The following GRIK2 variants were observed in gnomAD, a reference collection of about 807,000 sequenced individuals.
The protein encoded by GRIK2 is glutamate ionotropic receptor kainate type subunit 2, also known as glutamate receptor ionotropic, kainate 2.
In GRIK2, 32 loss-of-function variants were observed where a neutral mutation model predicts 100.3. That is an observed-to-expected ratio of 0.32 (90% CI 0.24 to 0.43). The LOEUF (loss-of-function observed/expected upper bound fraction) is 0.43, where lower values mean the gene tolerates loss of function less well. Among genes scored for constraint, GRIK2 ranks in the 20% least tolerant of loss-of-function variants. GRIK2 has a pLI of 1.00. For synonymous variants in GRIK2, 417 were observed against 389.4 expected (o/e 1.07, Z -0.83); for missense variants, 843 against 1,114.9 (o/e 0.76, Z 3.47).
At chr6:101,551,651 G>A (rs1233605003) in intron 2 of GRIK2, among the ~76,000 whole-genome samples, 3 of 152,172 alleles carry the variant, frequency 2.0e-5, no homozygotes, top group African/African-American at 7.2e-5. Flanking sequence ...ACATAGAAGC[G>A]AACAAGGAAG....
chr6:101,854,511 C>T (rs886146746), intron 10 of GRIK2, among the ~76,000 whole-genome samples: 30 of 151,964 alleles, frequency 2.0e-4, no homozygotes, highest in Non-Finnish European at 3.1e-4. Context: ...TCACCCACCT[C>T]GACCTCCCAA....
intron 2 of GRIK2, among the ~76,000 whole-genome samples, chr6:101,490,539 A>C (rs1299962984): frequency 1.4e-5 from 2 of 147,048 alleles, no homozygotes; most frequent in African/African-American, 5.2e-5. Flanking sequence ...AGCTTCACTC[A>C]GAAATGTGTG....
chr6:101,792,163 T>C (rs1431372184), intron 7 of GRIK2, among the ~76,000 whole-genome samples: 3 of 151,572 alleles, frequency 2.0e-5, no homozygotes, highest in East Asian at 1.9e-4. Context: ...CTTTATCCAA[T>C]TTGCCAGTCT....
intron 2 of GRIK2, among the ~76,000 whole-genome samples, chr6:101,499,287 C>T (rs556276659): frequency 8.9e-4 from 135 of 152,140 alleles, no homozygotes; most frequent in Non-Finnish European, 4.3e-4. Flanking sequence ...TATTTTCTTA[C>T]GCTTACCGAA....
intron 10 of GRIK2, among the ~76,000 whole-genome samples, chr6:101,832,674 C>G (rs1782779910): frequency 1.3e-5 from 2 of 152,134 alleles, no homozygotes; most frequent in African/African-American, 4.8e-5. Context: ...AGAAACAAAA[C>G]ATAAAGTTTG....
chr6:101,648,209 C>A (rs960727692), intron 4 of GRIK2, among the ~76,000 whole-genome samples: 2 of 151,954 alleles, frequency 1.3e-5, no homozygotes, highest in Admixed American at 1.3e-4. Flanking sequence ...ATCTTAGAAA[C>A]TACTATAAAT....
At chr6:102,047,133 C>T (rs556625532) in intron 15 of GRIK2, among the ~76,000 whole-genome samples, 25 of 152,156 alleles carry the variant, frequency 1.6e-4, no homozygotes, top group Admixed American at 9.2e-4. Flanking sequence ...AATAGCCTGA[C>T]ATTATGCCTC....
chr6:101,632,093 C>G (rs1050562655), intron 4 of GRIK2, among the ~76,000 whole-genome samples: 2 of 152,078 alleles, frequency 1.3e-5, no homozygotes, highest in East Asian at 1.9e-4. Context: ...CCATGAAGTG[C>G]ACACGTACAT....
In GRIK2 at chr6:101,713,916, C is replaced by T. The variant is rs531915006; in HGVS notation, c.951+27563C>T. On this transcript the variant is annotated intron_variant, in intron 7 of 16. Transcript: ENST00000369134. ...AAGTATACACTGTGTTTTCACCCTA[C>T]GCTTGAATTAAGAATTGCTTTCTTT... 5.9e-5 allele frequency among the ~76,000 whole-genome samples: 9 copies of T among 151,754 alleles called. No individual in the cohort carries two copies. The South Asian group carries it at 8.3e-4, about 14-fold the overall frequency.
chr6:101,642,846 A>G (rs1339311418), intron 4 of GRIK2, among the ~76,000 whole-genome samples: 1 of 151,656 alleles, frequency 6.6e-6, no homozygotes, highest in Non-Finnish European at 1.5e-5. Context: ...CATCATTCCT[A>G]CCAACAGTGC....
chr6:101,410,089 TA>T (rs1321888888), intron 2 of GRIK2, among the ~76,000 whole-genome samples: 1 of 152,080 alleles, frequency 6.6e-6, no homozygotes, highest in East Asian at 1.9e-4. Context: ...CTCAAATATA[TA>T]CAACATCAGA....
chr6:101,444,709 ACT>A (rs1206409718), intron 2 of GRIK2, among the ~76,000 whole-genome samples: 1 of 152,082 alleles, frequency 6.6e-6, no homozygotes, highest in Non-Finnish European at 1.5e-5. Context: ...AAGAAAAAAG[ACT>A]CACATGGTTG....
intron 2 of GRIK2, among the ~76,000 whole-genome samples, chr6:101,493,364 T>C (rs2749060): frequency 0.61 from 91,942 of 151,814 alleles, 28,899 homozygotes; most frequent in African/African-American, 0.77. Context: ...AGCAACCAGA[T>C]AGAAAATACA....
intron 15 of GRIK2, 31 bp from the exon 16 acceptor site, chr6:102,055,299 G>C: frequency 6.5e-7 from 1 of 1,546,814 alleles, no homozygotes; most frequent in Non-Finnish European, 8.8e-7. Flanking sequence ...CAGGTTCCTT[G>C]AAATACTTAA....
chr6:101,910,045 C>T (rs990527491), intron 12 of GRIK2, among the ~76,000 whole-genome samples: 1 of 150,844 alleles, frequency 6.6e-6, no homozygotes, highest in African/African-American at 2.4e-5. Flanking sequence ...ATTATTAAAA[C>T]TCTTAGTATA....
chr6:101,816,779 A>G (rs1161828115), intron 9 of GRIK2, among the ~76,000 whole-genome samples: 3 of 152,050 alleles, frequency 2.0e-5, no homozygotes, highest in Non-Finnish European at 4.4e-5. Context: ...ACACCCCTCC[A>G]TCCTTCCCTA....
rs763823649 is a variant in GRIK2 at position 101,448,619 on chromosome 6, G to GTTTT, written c.115+49230_115+49231insTTTT. Reference sequence around the variant, plus strand: ...TATATGGAATTCTAACAAAAATGATGTTTCTGGTTGATGAGCCATTTTGAA... The same window carrying GTTTT: ...TATATGGAATTCTAACAAAAATGATGTTTTTTTCTGGTTGATGAGCCATTTTGAA... On this transcript the variant is annotated intron_variant, in intron 2 of 16. Transcript: ENST00000369134. 6.4e-4 allele frequency among the ~76,000 whole-genome samples: 97 copies of GTTTT among 151,596 alleles called. 1 individual carries two copies. Among genetic ancestry groups the GTTTT allele is most frequent in the Non-Finnish European group, 1.0e-3 (70 of 67,624 alleles).
At position 102,055,390 on chromosome 6, in the gene GRIK2, T is replaced by G. The variant is rs762956454; in HGVS notation, c.2372T>G (p.Leu791Arg). The G allele has an allele frequency of 6.2e-7, 1 of 1,612,658 alleles. No individual in the cohort carries two copies. Among genetic ancestry groups the G allele is most frequent in the South Asian group, 1.1e-5 (1 of 91,058 alleles). ...AILQLQEEGK[L>R]HMMKEKWWRG... ...CTTCAGCTGCAAGAGGAAGGCAAACTGCATATGATGAAGGAGAAATGGTGG... is the reference window on the plus strand; with the variant it reads ...CTTCAGCTGCAAGAGGAAGGCAAACGGCATATGATGAAGGAGAAATGGTGG... Residue 791 changes from leucine to arginine, a missense_variant, in exon 16 of 17, where the codon CTG becomes CGG. Transcript: ENST00000369134.
chr6:101,919,379 T>C (rs1789346822), intron 12 of GRIK2, among the ~76,000 whole-genome samples: 1 of 151,720 alleles, frequency 6.6e-6, no homozygotes, highest in Non-Finnish European at 1.5e-5. Context: ...TGTATTTAAG[T>C]AAAAATAGTA....
Sources: allele counts gnomAD v4.1 joint callset (sites outside exome capture counted in the v4.1 genomes callset), GRCh38; gene constraint gnomAD v4.1.1; transcripts MANE v1.5; gene names NCBI Gene and HGNC (gene_info 2026-07-23, HGNC 2026-07-21).